AKAP13: variants seen among roughly 807,000 people sequenced by gnomAD.
AKAP13 encodes A-kinase anchor protein 13.
A neutral mutation model predicts 264.5 loss-of-function variants in AKAP13; 80 were observed. The observed-to-expected ratio is 0.30, with a 90% confidence interval of 0.25 to 0.36. The LOEUF is 0.36. Ranked by LOEUF, AKAP13 falls within the 10% of genes least tolerant of loss-of-function variation. The pLI is 1.00. For missense variants in AKAP13, 3,712 were observed against 3,435.2 expected (o/e 1.08, Z -2.01); for synonymous variants, 1,380 against 1,250.2 (o/e 1.10, Z -2.19).
intron 1 of AKAP13, among the ~76,000 whole-genome samples, chr15:85,441,931 T>G (rs1362731407): frequency 1.3e-5 from 2 of 152,176 alleles, no homozygotes; most frequent in African/African-American, 4.8e-5. Flanking sequence ...TCACTTTGCT[T>G]TATTCTGCCC....
At chr15:85,383,023 G>T (rs61456986) in intron 1 of AKAP13, among the ~76,000 whole-genome samples, 32,173 of 151,918 alleles carry the variant, frequency 0.21, 3,681 homozygotes, top group East Asian at 0.31. Context: ...TCAACAAGAG[G>T]TTCCAATTTA....
rs988159154 is a variant in AKAP13, at chr15:85,568,557, G to A, written c.663-6574G>A. ...TGAATACGGAGAATGGTGATGGCCC[G>A]GCAGAAGAGTTGCTGGTGTGGCATG... On this transcript the variant is annotated intron_variant, in intron 5 of 36. Coordinates refer to ENST00000394518, the MANE Select transcript of AKAP13 (RefSeq NM_007200.5). Among the ~76,000 whole-genome samples, 3 of 152,154 alleles carry A rather than the reference G, an allele frequency of 2.0e-5. No homozygotes were observed. In the South Asian group the frequency reaches 6.2e-4, roughly 32 times the overall value.
intron 17 of AKAP13, among the ~76,000 whole-genome samples, chr15:85,698,943 CAA>C (rs10715702): frequency 0.1 from 7,334 of 72,770 alleles, 166 homozygotes; most frequent in South Asian, 0.15. Flanking sequence ...GACCTTGTCT[CAA>C]AAAAAAAAAA....
At chr15:85,404,649 C>G (rs148960346) in intron 1 of AKAP13, among the ~76,000 whole-genome samples, 30 of 152,300 alleles carry the variant, frequency 2.0e-4, no homozygotes, top group African/African-American at 7.0e-4. Context: ...ACCTCTCAAG[C>G]ATTTCTGGCA....
rs73452430 is a variant in AKAP13 at position 85,579,068 on chromosome 15, G to A, written c.1000G>A (p.Glu334Lys). ...GGACCCTCAGCGACTTTCTTCTTCT[G>A]AAGAGACTGAGAGCACTCAGTGCTG... is the stretch of plus-strand genomic sequence containing the variant. Reference protein sequence around the residue: ...PTDPQRLSSSEETESTQCCPG... With the variant: ...PTDPQRLSSSKETESTQCCPG... Residue 334 changes from glutamate (E) to lysine (K), a missense_variant, in exon 7 of 37, where the codon GAA (glutamate) becomes AAA (lysine). Physicochemically the swap from Glu to Lys is moderately conservative, Grantham distance 56. Around this residue, in one of 3 missense-constraint regions of AKAP13, gnomAD observed 2,759 missense variants for 2,411.7 expected, o/e 1.14. Transcript: ENST00000394518. 2,038 of 1,614,142 alleles carry A rather than the reference G, an allele frequency of 1.3e-3. 27 individuals are homozygous for A. In the African/African-American group the frequency reaches 0.025, roughly 20 times the overall value.
At chr15:85,685,490 C>CTGTGTGTGTGTGTGTGTGTGTCTG (rs34565043) in intron 16 of AKAP13, 1 of 134,324 alleles carries the variant, frequency 7.4e-6, no homozygotes, top group Admixed American at 7.3e-5. Context: ...GTGTGTGTGT[C>CTGTGTGTGTGTGTGTGTGTGTCTG]TGTGTGTGTG....
chr15:85,505,471 A>T (rs1330503896), intron 2 of AKAP13, among the ~76,000 whole-genome samples: 1 of 152,246 alleles, frequency 6.6e-6, no homozygotes, highest in Non-Finnish European at 1.5e-5. Context: ...AACCTGATTA[A>T]AAAAGAAGAC....
chr15:85,552,430 C>A (rs1215599367), intron 5 of AKAP13, among the ~76,000 whole-genome samples: 2 of 152,154 alleles, frequency 1.3e-5, no homozygotes, highest in Non-Finnish European at 2.9e-5. Flanking sequence ...GTATAATAAT[C>A]ATTTTGACAA....
intron 16 of AKAP13, among the ~76,000 whole-genome samples, chr15:85,688,031 T>TA (rs60030351): frequency 3.0e-4 from 41 of 138,328 alleles, no homozygotes; most frequent in South Asian, 7.0e-4. Context: ...CCCTGTCTCT[T>TA]AAAAAAAAAA....
At chr15:85,593,763 C>CTA (rs1429499631) in intron 8 of AKAP13, among the ~76,000 whole-genome samples, 1 of 150,554 alleles carries the variant, frequency 6.6e-6, no homozygotes, top group Non-Finnish European at 1.5e-5. Flanking sequence ...TGAGTCTTAC[C>CTA]ACTCTTTCTG....
At chr15:85,605,336 G>A (rs1300765456) in intron 8 of AKAP13, among the ~76,000 whole-genome samples, 2 of 152,194 alleles carry the variant, frequency 1.3e-5, no homozygotes, top group African/African-American at 4.8e-5. Flanking sequence ...CATGGATGGA[G>A]CTGGAAGCCA....
rs137984978 is a variant in AKAP13 at position 85,407,315 on chromosome 15, C to T, written c.-12+26517C>T. On this transcript the variant is annotated intron_variant, in intron 1 of 36. Transcript: ENST00000394518. The stretch of plus-strand genomic sequence containing the variant: ...CGATCTGGGCTCACTGCAACCTCCG[C>T]CTCCTGGGTTCAAGAGATTCTCCTG... Among the ~76,000 whole-genome samples, 132 of 151,070 alleles carry T rather than the reference C, an allele frequency of 8.7e-4. 4 individuals carry two copies. The East Asian group carries it at 0.024, about 27-fold the overall frequency.
intron 14 of AKAP13, among the ~76,000 whole-genome samples, chr15:85,673,465 C>A (rs988814579): frequency 6.6e-6 from 1 of 152,042 alleles, no homozygotes; most frequent in Non-Finnish European, 1.5e-5. Flanking sequence ...GGCTTGGTGC[C>A]TGGGAGGACT....
intron 2 of AKAP13, among the ~76,000 whole-genome samples, chr15:85,487,410 C>G (rs1300569294): frequency 1.3e-5 from 2 of 152,142 alleles, no homozygotes; most frequent in Non-Finnish European, 2.9e-5. Flanking sequence ...TCACAGGAAT[C>G]TTTTGTTAAA....
chr15:85,469,211 G>C (rs1440078622), intron 1 of AKAP13, among the ~76,000 whole-genome samples: 2 of 150,684 alleles, frequency 1.3e-5, no homozygotes, highest in Non-Finnish European at 2.9e-5. Flanking sequence ...CACCGCACCA[G>C]GCCAGGTGTG....
intron 14 of AKAP13, among the ~76,000 whole-genome samples, chr15:85,673,658 C>CTTTT (rs2084041541): frequency 1.7e-5 from 2 of 120,938 alleles, no homozygotes; most frequent in African/African-American, 3.3e-5. Flanking sequence ...TGATCCCTTT[C>CTTTT]TTTCTTTCTT....
intron 29 of AKAP13, among the ~76,000 whole-genome samples, chr15:85,729,392 C>A (rs1373724962): frequency 6.6e-6 from 1 of 151,932 alleles, no homozygotes; most frequent in Non-Finnish European, 1.5e-5. Flanking sequence ...AATCAGGTGA[C>A]CTGGAAGATG....
Position 85,594,438 on chromosome 15 carries a change from C to T in AKAP13, c.4161+8615C>T, listed in dbSNP as rs550653944. On this transcript the variant is annotated intron_variant, in intron 8 of 36. Coordinates refer to ENST00000394518, the MANE Select transcript of AKAP13 (RefSeq NM_007200.5). Reference sequence around the variant, plus strand: ...AAAAGATAACTTTCAGTGAAATGGACGCTAAATTCTCCTTTCTAAGGAAGT... The same window carrying T: ...AAAAGATAACTTTCAGTGAAATGGATGCTAAATTCTCCTTTCTAAGGAAGT... Among the ~76,000 whole-genome samples the T allele has an allele frequency of 2.1e-4, 32 of 152,222 alleles. No individual in the cohort carries two copies. In the South Asian group the frequency reaches 2.7e-3, roughly 13 times the overall value.
intron 1 of AKAP13, among the ~76,000 whole-genome samples, chr15:85,386,033 C>A (rs1322578337): frequency 1.3e-5 from 2 of 152,098 alleles, no homozygotes; most frequent in Non-Finnish European, 2.9e-5. Context: ...CCATGTTGGC[C>A]AGGCTGATCT....
Sources: gnomAD v4.1 joint callset for allele counts (sites outside exome capture counted in the v4.1 genomes callset) on GRCh38, gnomAD v4.1.1 for gene constraint, gnomAD v4.1.1 regional missense constraint, MANE v1.5 for transcripts, NCBI Gene and HGNC (gene_info 2026-07-23, HGNC 2026-07-21) for gene names.